The following PPM1L variants were observed in gnomAD, a reference collection of about 807,000 sequenced individuals.
The protein encoded by PPM1L is protein phosphatase, Mg2+/Mn2+ dependent 1L, also known as protein phosphatase 1L.
PPM1L carries 13 observed loss-of-function variants against 31.4 expected under a neutral mutation model. The observed-to-expected ratio is 0.41, with a 90% confidence interval of 0.27 to 0.66. PPM1L has a LOEUF of 0.66. Among genes scored for constraint, PPM1L ranks in the 30% least tolerant of loss-of-function variants. PPM1L has a pLI of 0.29. For synonymous variants in PPM1L, 184 were observed against 175.4 expected, an observed-to-expected ratio of 1.05 and a Z score of -0.39; for missense variants, 326 against 453.7, an observed-to-expected ratio of 0.72 and a Z score of 2.56.
chr3:160,961,618 G>C, intron 1 of PPM1L, 118 bp from the exon 2 acceptor site: 1 of 720,136 alleles, frequency 1.4e-6, no homozygotes, highest in South Asian at 2.8e-5. Context: ...GGACATGCTT[G>C]TCTGGAGGGT....
chr3:161,013,960 T>A (rs1717983906), intron 2 of PPM1L, among the ~76,000 whole-genome samples: 1 of 152,206 alleles, frequency 6.6e-6, no homozygotes, highest in Non-Finnish European at 1.5e-5. Flanking sequence ...CACTGATGGA[T>A]CTTGACTCTT....
At chr3:160,965,938 C>G (rs1271478216) in intron 2 of PPM1L, among the ~76,000 whole-genome samples, 1 of 152,090 alleles carries the variant, frequency 6.6e-6, no homozygotes, top group Non-Finnish European at 1.5e-5. Context: ...GAAAAAAACA[C>G]TTAGACATTT....
intron 1 of PPM1L, among the ~76,000 whole-genome samples, chr3:160,815,930 G>GT (rs1157483986): frequency 6.6e-6 from 1 of 152,124 alleles, no homozygotes; most frequent in African/African-American, 2.4e-5. Flanking sequence ...GGATTGGTAT[G>GT]TTTAAGTTAG....
rs550011295 is a variant in PPM1L, at chr3:161,016,311, C to T, written c.575-49092C>T. ...ATTCATTTCTGTCATATTGCATGGTCCTATATTCTAGGAGAGGCCTATCAT... is the reference window on the plus strand; with the variant it reads ...ATTCATTTCTGTCATATTGCATGGTTCTATATTCTAGGAGAGGCCTATCAT... On this transcript the variant is annotated intron_variant, in intron 2 of 3. Transcript: ENST00000498165. Among the ~76,000 whole-genome samples the T allele has an allele frequency of 3.8e-4, 58 of 152,320 alleles. 1 individual carries two copies. In the South Asian group the frequency reaches 0.01, roughly 27 times the overall value.
intron 1 of PPM1L, among the ~76,000 whole-genome samples, chr3:160,806,150 T>C (rs1327898992): frequency 2.0e-5 from 3 of 152,214 alleles, no homozygotes; most frequent in African/African-American, 7.2e-5. Context: ...ATCCACTGTC[T>C]GCCTTATCTG....
intron 1 of PPM1L, among the ~76,000 whole-genome samples, chr3:160,924,416 G>A (rs1283329887): frequency 2.0e-5 from 3 of 152,120 alleles, no homozygotes; most frequent in Non-Finnish European, 4.4e-5. Context: ...GAATCAAAAG[G>A]TCTAGCCAAG....
intron 1 of PPM1L, among the ~76,000 whole-genome samples, chr3:160,904,622 G>T (rs548664746): frequency 1.2e-4 from 18 of 152,126 alleles, no homozygotes; most frequent in African/African-American, 4.3e-4. Context: ...CCTTGTTAAG[G>T]TATCAGTGCT....
intron 2 of PPM1L, among the ~76,000 whole-genome samples, chr3:161,011,316 C>G (rs1717886407): frequency 6.6e-6 from 1 of 152,194 alleles, no homozygotes; most frequent in South Asian, 2.1e-4. Context: ...TGTCAAAGAT[C>G]AGATGGTTGT....
At chr3:160,940,179 G>A (rs1715114971) in intron 1 of PPM1L, among the ~76,000 whole-genome samples, 1 of 152,186 alleles carries the variant, frequency 6.6e-6, no homozygotes, top group African/African-American at 2.4e-5. Flanking sequence ...AAGCAGGAAA[G>A]CATTCAAGAG....
chr3:160,996,978 G>A (rs1717344717), intron 2 of PPM1L, among the ~76,000 whole-genome samples: 1 of 152,068 alleles, frequency 6.6e-6, no homozygotes, highest in East Asian at 1.9e-4. Context: ...GGGCAGGCTA[G>A]GAGGGATAGG....
chr3:160,887,573 C>CTTTTTTTTTT (rs58869949), intron 1 of PPM1L, among the ~76,000 whole-genome samples: 3 of 142,624 alleles, frequency 2.1e-5, no homozygotes, highest in Non-Finnish European at 3.0e-5. Context: ...TAATATTCAA[C>CTTTTTTTTTT]TTTTTTTTTT....
intron 1 of PPM1L, among the ~76,000 whole-genome samples, chr3:160,792,337 T>G (rs1381537382): frequency 1.3e-5 from 2 of 152,196 alleles, no homozygotes; most frequent in Non-Finnish European, 2.9e-5. Flanking sequence ...AACAACTTAG[T>G]ACCAAAGATC....
Position 160,756,813 on chromosome 3 carries a change from C to G in PPM1L, c.399+106C>G. On this transcript the variant is annotated intron_variant, in intron 1 of 3. Transcript: ENST00000498165. This position sits in a 1 kb window ranked among gnomAD's most constrained non-coding sequence, Gnocchi z 6.2. Reference sequence around the variant, plus strand: ...TGTATAAACAACAGGACAGCGTGTGCGCAGCGGGAGAGGATCTGGGTGCGA... The same window carrying G: ...TGTATAAACAACAGGACAGCGTGTGGGCAGCGGGAGAGGATCTGGGTGCGA... The G allele has an allele frequency of 3.3e-6, 4 of 1,224,882 alleles. No individual in the cohort carries two copies. The highest frequency in any genetic ancestry group is 4.5e-6 in the Non-Finnish European group (4 of 896,978). The allele number at this position is 1,224,882 out of a possible 1,614,324, so 75.9% of individuals were successfully genotyped here. A position where few individuals can be genotyped will look rare whatever the true frequency, so the allele number is the denominator to read the frequency against.
intron 2 of PPM1L, among the ~76,000 whole-genome samples, chr3:161,044,647 G>A (rs1470224873): frequency 6.6e-6 from 1 of 152,052 alleles, no homozygotes; most frequent in Non-Finnish European, 1.5e-5. Context: ...GGAACAACCA[G>A]TACCAGCCAC....
chr3:160,908,685 G>A (rs1239928522), intron 1 of PPM1L, among the ~76,000 whole-genome samples: 1 of 152,168 alleles, frequency 6.6e-6, no homozygotes, highest in Non-Finnish European at 1.5e-5. Flanking sequence ...CCAAGACAGA[G>A]TCCTTGCTCT....
intron 1 of PPM1L, among the ~76,000 whole-genome samples, chr3:160,795,945 C>T (rs1467981410): frequency 1.3e-5 from 2 of 152,130 alleles, no homozygotes. Flanking sequence ...TAGTTATTTT[C>T]CCAGAGAAAG....
In PPM1L at chr3:160,994,777, A is replaced by C. The variant is rs558640593; in HGVS notation, c.574+32867A>C. The stretch of plus-strand genomic sequence containing the variant: ...ATGAACAAATGACTATCAGGGTGCC[A>C]GATGATGCTAAGCACTATGGAGAAA... On this transcript the variant is annotated intron_variant, in intron 2 of 3. Coordinates refer to ENST00000498165, the MANE Select transcript of PPM1L (RefSeq NM_139245.4). Among the ~76,000 whole-genome samples the C allele has an allele frequency of 5.1e-4, 77 of 152,314 alleles. 1 individual carries two copies. The South Asian group carries it at 0.016, about 31-fold the overall frequency.
intron 2 of PPM1L, among the ~76,000 whole-genome samples, chr3:160,990,440 A>G (rs1221622672): frequency 1.3e-5 from 2 of 152,262 alleles, no homozygotes; most frequent in African/African-American, 4.8e-5. Context: ...GGAAAATAAT[A>G]TATAATTATA....
At chr3:160,839,540 AAT>A (rs753164929) in intron 1 of PPM1L, among the ~76,000 whole-genome samples, 2 of 152,188 alleles carry the variant, frequency 1.3e-5, no homozygotes, top group Non-Finnish European at 2.9e-5. Flanking sequence ...TTAAACATGC[AAT>A]TCATTTTGTG....
Sources: allele counts gnomAD v4.1 joint callset (sites outside exome capture counted in the v4.1 genomes callset), GRCh38; gene constraint gnomAD v4.1.1; non-coding constraint Gnocchi (gnomAD v3.1); transcripts MANE v1.5; gene names NCBI Gene and HGNC (gene_info 2026-07-23, HGNC 2026-07-21).